Variants in ACBD6 observed in about 807,000 individuals in gnomAD.
ACBD6 encodes the protein acyl-CoA-binding domain-containing protein 6.
ACBD6 carries 28 observed loss-of-function variants against 37.2 expected under a neutral mutation model. That is an observed-to-expected ratio of 0.75 (90% CI 0.56 to 1.03). ACBD6 has a LOEUF of 1.03. ACBD6 is among the 50% of genes least tolerant of loss of function. ACBD6 has a pLI of 0.00. For synonymous variants in ACBD6, 113 were observed against 126.8 expected (o/e 0.89, Z 0.73); for missense variants, 340 against 337.4 (o/e 1.01, Z -0.06).
exon 10 of ACBD6, chr1:180,275,130 T>C (rs1648952234): frequency 6.6e-6 from 1 of 152,334 alleles, no homozygotes; most frequent in South Asian, 2.1e-4. Context: ...CAGTTTGATA[T>C]TAAAAACATG....
rs1206345886 is a variant in ACBD6, at chr1:180,397,566, T to C, written c.613A>G (p.Lys205Glu). Residue 205 changes from lysine (K) to glutamate (E), a missense_variant, in exon 6 of 8, where the codon AAG becomes GAG. Physicochemically the swap from Lys to Glu is moderately conservative, Grantham distance 56. Coordinates refer to ENST00000367595, the MANE Select transcript of ACBD6 (RefSeq NM_032360.4). The stretch of plus-strand genomic sequence containing the variant: ...TGCAGCAACACTGTGACTAGTTCCT[T>C]ATGTCCTCGATCACAGGCCCAGTGA... Reference protein sequence around the residue: ...LLHWACDRGHKELVTVLLQHR... With the variant: ...LLHWACDRGHEELVTVLLQHR... 1 of 1,614,008 alleles carries C rather than the reference T, an allele frequency of 6.2e-7. No homozygotes were observed. The highest frequency in any genetic ancestry group is 1.3e-5 in the African/African-American group (1 of 74,930).
intron 6 of ACBD6, among the ~76,000 whole-genome samples, chr1:180,345,712 A>C (rs1652153198): frequency 6.6e-6 from 1 of 152,192 alleles, no homozygotes; most frequent in South Asian, 2.1e-4. Context: ...TTAATGTAAA[A>C]TGGAATTATA....
chr1:180,499,301 T>C (rs1651859204), intron 1 of ACBD6, among the ~76,000 whole-genome samples: 1 of 152,230 alleles, frequency 6.6e-6, no homozygotes, highest in Non-Finnish European at 1.5e-5. Context: ...CACAATTTTG[T>C]CAAAAATATT....
intron 4 of ACBD6, among the ~76,000 whole-genome samples, chr1:180,415,293 A>T (rs1648040018): frequency 6.6e-6 from 1 of 151,770 alleles, no homozygotes; most frequent in African/African-American, 2.4e-5. Context: ...GCTACTCAGG[A>T]GGCTGAGGCA....
intron 5 of ACBD6, among the ~76,000 whole-genome samples, chr1:180,402,232 C>T (rs1245436259): frequency 6.6e-6 from 1 of 152,138 alleles, no homozygotes; most frequent in Non-Finnish European, 1.5e-5. Context: ...ACAATGCCTC[C>T]TTCTTTCACT....
At chr1:180,412,121 A>C (rs1245356865) in intron 5 of ACBD6, among the ~76,000 whole-genome samples, 6 of 151,868 alleles carry the variant, frequency 4.0e-5, no homozygotes, top group Admixed American at 6.6e-5. Context: ...AAAAAAAAAA[A>C]AAACCCAAAA....
intron 6 of ACBD6, among the ~76,000 whole-genome samples, chr1:180,364,909 A>G (rs1652993777): frequency 6.6e-6 from 1 of 151,912 alleles, no homozygotes. Context: ...AATTTTCTGT[A>G]GTTTTAATAG....
chr1:180,404,321 T>C (rs57424497), intron 5 of ACBD6, among the ~76,000 whole-genome samples: 15,788 of 152,046 alleles, frequency 0.1, 1,173 homozygotes, highest in African/African-American at 0.2. Context: ...GAATGTATTG[T>C]TTTATTTATT....
chr1:180,376,419 G>T (rs1653435706), intron 6 of ACBD6, among the ~76,000 whole-genome samples: 1 of 152,170 alleles, frequency 6.6e-6, no homozygotes, highest in African/African-American at 2.4e-5. Flanking sequence ...CAAAGCGTTA[G>T]ACATTACCTA....
intron 6 of ACBD6, among the ~76,000 whole-genome samples, chr1:180,340,048 G>A (rs1205205025): frequency 1.3e-5 from 2 of 152,080 alleles, no homozygotes; most frequent in Admixed American, 1.3e-4. Context: ...CCCTGAAATG[G>A]TTATGTACCC....
intron 3 of ACBD6, among the ~76,000 whole-genome samples, chr1:180,442,588 TA>T (rs1649323575): frequency 6.6e-6 from 1 of 152,240 alleles, no homozygotes; most frequent in Non-Finnish European, 1.5e-5. Context: ...GGTCTCCAAT[TA>T]TATGAATGCT....
intron 6 of ACBD6, among the ~76,000 whole-genome samples, chr1:180,396,667 T>C (rs1340897478): frequency 6.6e-6 from 1 of 152,088 alleles, no homozygotes; most frequent in African/African-American, 2.4e-5. Context: ...GATATGCAAA[T>C]AGTCAACAAG....
intron 6 of ACBD6, among the ~76,000 whole-genome samples, chr1:180,392,143 TGGAAGTGAAGGATGCATATTG>T (rs1654100741): frequency 1.3e-5 from 2 of 152,166 alleles, no homozygotes; most frequent in African/African-American, 2.4e-5. Context: ...CACCTCAGGG[TGGAAGTGAAGGATGCATATTG>T]ACAGGAAGTA....
At chr1:180,307,175 T>C (rs1306643352) in intron 7 of ACBD6, among the ~76,000 whole-genome samples, 1 of 152,166 alleles carries the variant, frequency 6.6e-6, no homozygotes. Context: ...TATTCAGCCA[T>C]AAAAAAGAGT....
At chr1:180,311,229 T>C (rs755906903) in intron 7 of ACBD6, among the ~76,000 whole-genome samples, 8 of 152,172 alleles carry the variant, frequency 5.3e-5, no homozygotes, top group Non-Finnish European at 1.0e-4. Context: ...TGGGCCTCTC[T>C]GCATCGCTCT....
At chr1:180,271,441 A>C in exon 14 of ACBD6, 1 of 1,614,172 alleles carries the variant, frequency 6.2e-7, no homozygotes, top group Non-Finnish European at 8.5e-7. Flanking sequence ...AGCTGGAGAC[A>C]TTAAAGAATG....
chr1:180,351,639 A>G (rs1240056658), intron 6 of ACBD6, among the ~76,000 whole-genome samples: 1 of 150,620 alleles, frequency 6.6e-6, no homozygotes, highest in Non-Finnish European at 1.5e-5. Flanking sequence ...ATCTCTATTA[A>G]GATGGCTAGT....
chr1:180,448,156 C>T (rs1393093911), intron 3 of ACBD6, among the ~76,000 whole-genome samples: 1 of 152,142 alleles, frequency 6.6e-6, no homozygotes, highest in African/African-American at 2.4e-5. Context: ...GCTAATGGCC[C>T]TAATGGCCTT....
chr1:180,271,804 C>T (rs755919874), exon 14 of ACBD6: 3 of 1,613,122 alleles, frequency 1.9e-6, no homozygotes, highest in Non-Finnish European at 2.5e-6. Context: ...GTGGACGCCC[C>T]CTGAGTATGT....
Sources: allele counts gnomAD v4.1 joint callset (sites outside exome capture counted in the v4.1 genomes callset), GRCh38; gene constraint gnomAD v4.1.1; transcripts MANE v1.5; gene names NCBI Gene and HGNC (gene_info 2026-07-23, HGNC 2026-07-21).